The following ANO2 variants were observed in gnomAD, a reference collection of about 807,000 sequenced individuals.
The protein encoded by ANO2 is anoctamin 2.
ANO2 carries 101 observed loss-of-function variants against 124.2 expected under a neutral mutation model. That is an observed-to-expected ratio of 0.81 (90% CI 0.69 to 0.96). ANO2 has a LOEUF of 0.96. Among genes scored for constraint, ANO2 ranks in the 40% least tolerant of loss-of-function variants. The pLI, the probability that ANO2 is intolerant of heterozygous loss-of-function variation, is 0.00. For synonymous variants in ANO2, 486 were observed against 482.5 expected (o/e 1.01, Z -0.09); for missense variants, 1,293 against 1,274.5 (o/e 1.01, Z -0.22).
chr12:5,874,840 GCA>G (rs983538910), intron 3 of ANO2, among the ~76,000 whole-genome samples: 1 of 152,218 alleles, frequency 6.6e-6, no homozygotes, highest in African/African-American at 2.4e-5. Context: ...ACAGGACTCA[GCA>G]CACTTTTTCT....
Position 5,806,069 on chromosome 12 carries a change from C to T in ANO2, c.973G>A (p.Asp325Asn), listed in dbSNP as rs781540782. Residue 325 changes from aspartate to asparagine, a missense_variant, in exon 9 of 25, where the codon GAT becomes AAT. By Grantham distance (23) the Asp-to-Asn change is conservative. Coordinates refer to ENST00000682330, the MANE Select transcript of ANO2 (RefSeq NM_001364791.2). ...AGGCTTACCTTCCTGTCATTCATAT[C>T]GTCCTCTGGACTATCGTATTCACCC... is the stretch of plus-strand genomic sequence containing the variant. ...HDGEYDSPED[D>N]MNDRKLLYQE... 1.6e-5 allele frequency: 26 copies of T among 1,613,648 alleles called. No individual in the cohort carries two copies. In the East Asian group the frequency reaches 2.2e-4, roughly 14 times the overall value.
rs543210524 is a variant in ANO2 at position 5,845,546 on chromosome 12, G to A, written c.633+8497C>T. On this transcript the variant is annotated intron_variant, in intron 4 of 24. Transcript: ENST00000682330. ...CGCTCCACTGCACTCCAGCCTGGGC[G>A]ACAGAGTAAGACTACATCTCAAAAA... 5.2e-5 allele frequency among the ~76,000 whole-genome samples: 7 copies of A among 135,706 alleles called. No individual in the cohort carries two copies. In the South Asian group the frequency reaches 9.8e-4, roughly 19 times the overall value. The allele number at this position is 135,706 out of a possible 152,430, so 89.0% of individuals were successfully genotyped here.
chr12:5,573,279 T>C (rs1375197049), intron 23 of ANO2, among the ~76,000 whole-genome samples: 2 of 152,182 alleles, frequency 1.3e-5, no homozygotes, highest in Non-Finnish European at 2.9e-5. Context: ...GAAAAGCATA[T>C]TCATAGGTGT....
At chr12:5,628,667 A>T (rs568415884) in intron 16 of ANO2, among the ~76,000 whole-genome samples, 19 of 150,912 alleles carry the variant, frequency 1.3e-4, no homozygotes, top group African/African-American at 3.9e-4. Context: ...GTAAGCAGAG[A>T]GTGTGTGTGT....
At chr12:5,868,908 T>C (rs1955501613) in intron 3 of ANO2, among the ~76,000 whole-genome samples, 1 of 151,992 alleles carries the variant, frequency 6.6e-6, no homozygotes, top group African/African-American at 2.4e-5. Flanking sequence ...CCTAGGGAGT[T>C]TACAAAATAT....
intron 4 of ANO2, among the ~76,000 whole-genome samples, chr12:5,837,951 T>C (rs1179785168): frequency 1.3e-5 from 2 of 151,256 alleles, no homozygotes; most frequent in Non-Finnish European, 2.9e-5. Flanking sequence ...ATCAACAAAA[T>C]TGATAGACCG....
intron 14 of ANO2, among the ~76,000 whole-genome samples, chr12:5,715,165 A>T (rs1203525244): frequency 1.3e-5 from 2 of 152,182 alleles, no homozygotes; most frequent in Non-Finnish European, 2.9e-5. Context: ...CTCGGAAGTC[A>T]GACTGACCCT....
chr12:5,630,456 C>T (rs922129908), intron 16 of ANO2, among the ~76,000 whole-genome samples: 8 of 152,188 alleles, frequency 5.3e-5, no homozygotes, highest in South Asian at 2.1e-4. Context: ...AACTTCAAGT[C>T]TCCTGATACT....
intron 19 of ANO2, among the ~76,000 whole-genome samples, chr12:5,607,283 A>G (rs1273654305): frequency 6.6e-6 from 1 of 152,168 alleles, no homozygotes; most frequent in Non-Finnish European, 1.5e-5. Context: ...ACAAAAGCCT[A>G]TGCCACACAG....
intron 24 of ANO2, among the ~76,000 whole-genome samples, chr12:5,564,899 G>A (rs1010359796): frequency 6.6e-6 from 1 of 152,162 alleles, no homozygotes; most frequent in Non-Finnish European, 1.5e-5. Context: ...AAAGCCTGAG[G>A]GAGCCAAAGA....
chr12:5,814,384 T>G (rs1172278937), intron 7 of ANO2, among the ~76,000 whole-genome samples: 1 of 152,380 alleles, frequency 6.6e-6, no homozygotes, highest in South Asian at 2.1e-4. Flanking sequence ...ATGTCTTCTG[T>G]GTTATTTGCT....
chr12:5,731,590 CCTCT>C (rs77047097), intron 14 of ANO2, among the ~76,000 whole-genome samples: 6 of 149,988 alleles, frequency 4.0e-5, no homozygotes, highest in Non-Finnish European at 7.4e-5. Context: ...CATAAACTCT[CCTCT>C]CTCTCTCTCT....
intron 14 of ANO2, among the ~76,000 whole-genome samples, chr12:5,694,965 T>C (rs780422153): frequency 2.6e-5 from 4 of 152,086 alleles, no homozygotes; most frequent in Non-Finnish European, 5.9e-5. Flanking sequence ...GGTATGAAGA[T>C]GAAGTGAGTT....
At chr12:5,611,172 T>C (rs934487735) in intron 19 of ANO2, among the ~76,000 whole-genome samples, 3 of 151,860 alleles carry the variant, frequency 2.0e-5, no homozygotes, top group African/African-American at 7.3e-5. Flanking sequence ...GGTGTCACCA[T>C]ATTGGCCAGG....
intron 14 of ANO2, among the ~76,000 whole-genome samples, chr12:5,676,349 C>T (rs568685551): frequency 1.8e-4 from 27 of 152,256 alleles, no homozygotes; most frequent in Middle Eastern, 3.4e-3. Flanking sequence ...GGATGAACAA[C>T]AAAAAGATGC....
intron 3 of ANO2, among the ~76,000 whole-genome samples, chr12:5,877,815 C>CCTA (rs1938212196): frequency 6.6e-6 from 1 of 152,192 alleles, no homozygotes; most frequent in South Asian, 2.1e-4. Context: ...AACCTAGATT[C>CCTA]CTAGCATGTG....
chr12:5,886,249 T>A (rs992697491), intron 3 of ANO2, among the ~76,000 whole-genome samples: 2 of 152,176 alleles, frequency 1.3e-5, no homozygotes, highest in Non-Finnish European at 2.9e-5. Context: ...AATGAACGAA[T>A]GGATAAACAA....
At chr12:5,575,799 G>A in intron 23 of ANO2, 35 bp downstream of exon 23, 1 of 1,600,670 alleles carries the variant, frequency 6.2e-7, no homozygotes, top group Non-Finnish European at 8.5e-7. Flanking sequence ...ATTGCTTCTG[G>A]TCCTCTGCTG....
intron 19 of ANO2, among the ~76,000 whole-genome samples, chr12:5,611,248 G>A (rs768450637): frequency 1.3e-5 from 2 of 152,002 alleles, no homozygotes; most frequent in Non-Finnish European, 2.9e-5. Context: ...GGATTACAGC[G>A]GTGAGCCACC....
Sources: allele counts gnomAD v4.1 joint callset (sites outside exome capture counted in the v4.1 genomes callset), GRCh38; gene constraint gnomAD v4.1.1; transcripts MANE v1.5; gene names NCBI Gene and HGNC (gene_info 2026-07-23, HGNC 2026-07-21).